Variants in ZNF804B observed in about 807,000 individuals in gnomAD.
The protein encoded by ZNF804B is zinc finger 804B.
Under a neutral mutation model 101.4 loss-of-function variants are expected in ZNF804B, and 80 were observed. That is an observed-to-expected ratio of 0.79 (90% CI 0.66 to 0.95). ZNF804B has a LOEUF of 0.95. ZNF804B is among the 40% of genes least tolerant of loss of function. ZNF804B has a pLI of 0.00. For synonymous variants in ZNF804B, 622 were observed against 558.8 expected (o/e 1.11, Z -1.59); for missense variants, 1,673 against 1,561.9 (o/e 1.07, Z -1.20).
At chr7:89,142,281 G>A (rs1422771208) in intron 1 of ZNF804B, among the ~76,000 whole-genome samples, 2 of 150,324 alleles carry the variant, frequency 1.3e-5, no homozygotes, top group African/African-American at 5.0e-5. Context: ...TTTGTTTTTT[G>A]TTGTTTTTTG....
At chr7:89,311,324 A>C (rs1790646649) in intron 2 of ZNF804B, among the ~76,000 whole-genome samples, 1 of 152,226 alleles carries the variant, frequency 6.6e-6, no homozygotes, top group African/African-American at 2.4e-5. Flanking sequence ...CGTAACATTC[A>C]AACACTCTCC....
chr7:88,789,041 T>C (rs1223118269), intron 1 of ZNF804B, among the ~76,000 whole-genome samples: 1 of 152,154 alleles, frequency 6.6e-6, no homozygotes, highest in Non-Finnish European at 1.5e-5. Flanking sequence ...TCTGCCTATA[T>C]AGAAACATAC....
chr7:89,192,950 C>T (rs56919660), intron 1 of ZNF804B, among the ~76,000 whole-genome samples: 1,763 of 152,140 alleles, frequency 0.012, 31 homozygotes, highest in African/African-American at 0.04. Flanking sequence ...AATTCAACAT[C>T]CTTTCATGTT....
At chr7:88,877,025 TA>T (rs1167469622) in intron 1 of ZNF804B, among the ~76,000 whole-genome samples, 2,993 of 58,550 alleles carry the variant, frequency 0.051, 128 homozygotes, top group African/African-American at 0.096. Flanking sequence ...TATATATATA[TA>T]ATATATATAT....
At chr7:88,877,060 T>TGAAAAAAAAAATATATATATATATAATA (rs1791964185) in intron 1 of ZNF804B, among the ~76,000 whole-genome samples, 1 of 68,270 alleles carries the variant, frequency 1.5e-5, no homozygotes, top group Non-Finnish European at 2.7e-5. Context: ...TTTTTTTTTT[T>TGAAAAAAAAAATATATATATATATAATA]TTTTTTTTTT....
intron 1 of ZNF804B, chr7:88,795,189 T>A (rs1013343165): frequency 4.2e-5 from 14 of 335,372 alleles, no homozygotes; most frequent in East Asian, 3.3e-4. Context: ...TAGACTTTTT[T>A]AAAAGTTTAC....
At position 88,760,335 on chromosome 7, in the gene ZNF804B, ATACT is replaced by A. The variant is rs141582135; in HGVS notation, c.108+256_108+259del. On this transcript the variant is annotated intron_variant, in intron 1 of 3. Coordinates refer to ENST00000333190, the MANE Select transcript of ZNF804B (RefSeq NM_181646.5). The stretch of plus-strand genomic sequence containing the variant: ...AGGATCTATAGTGCTACGGATGTAA[ATACT>A]TACTGAATGCAGTCAACTGCAGGGC... Among the ~76,000 whole-genome samples, 193 of 152,340 alleles carry A rather than the reference ATACT, an allele frequency of 1.3e-3. 3 individuals are homozygous for A. The highest frequency in any genetic ancestry group is 5.4e-4 in the Non-Finnish European group (37 of 68,038).
At chr7:88,852,207 A>G (rs1196597035) in intron 1 of ZNF804B, among the ~76,000 whole-genome samples, 1 of 152,104 alleles carries the variant, frequency 6.6e-6, no homozygotes, top group Non-Finnish European at 1.5e-5. Flanking sequence ...ATCCATCATG[A>G]TGTATTATCA....
intron 1 of ZNF804B, among the ~76,000 whole-genome samples, chr7:88,864,219 C>G (rs1192153963): frequency 6.6e-6 from 1 of 152,168 alleles, no homozygotes; most frequent in African/African-American, 2.4e-5. Flanking sequence ...ATTTCTGATT[C>G]AGTTACATGT....
chr7:89,024,661 GAAAAAAA>G (rs67321242), intron 1 of ZNF804B, among the ~76,000 whole-genome samples: 1 of 70,122 alleles, frequency 1.4e-5, no homozygotes, highest in Non-Finnish European at 2.5e-5. Flanking sequence ...TATCATTCTT[GAAAAAAA>G]AAAAAAAAAA....
chr7:89,023,300 A>G (rs1164108609), intron 1 of ZNF804B, among the ~76,000 whole-genome samples: 1 of 151,858 alleles, frequency 6.6e-6, no homozygotes, highest in Non-Finnish European at 1.5e-5. Flanking sequence ...CCACTGAAGA[A>G]ACTAAAGACA....
At chr7:89,031,408 A>G (rs754778125) in intron 1 of ZNF804B, among the ~76,000 whole-genome samples, 1 of 152,018 alleles carries the variant, frequency 6.6e-6, no homozygotes, top group Non-Finnish European at 1.5e-5. Flanking sequence ...GCCTTCTTCA[A>G]TAAACCCTGA....
intron 1 of ZNF804B, among the ~76,000 whole-genome samples, chr7:88,823,868 C>T (rs1277183776): frequency 6.6e-6 from 1 of 152,064 alleles, no homozygotes; most frequent in Non-Finnish European, 1.5e-5. Context: ...AAGCATAAGA[C>T]CTGAAGAGGC....
At chr7:88,924,421 A>G (rs1011393432) in intron 1 of ZNF804B, among the ~76,000 whole-genome samples, 2 of 152,024 alleles carry the variant, frequency 1.3e-5, no homozygotes, top group Admixed American at 1.3e-4. Context: ...TTTTCTTATC[A>G]ATGTATAGAT....
At chr7:88,765,981 C>A (rs189696935) in intron 1 of ZNF804B, among the ~76,000 whole-genome samples, 29 of 152,224 alleles carry the variant, frequency 1.9e-4, no homozygotes, top group Admixed American at 1.7e-3. Context: ...ACACTCTAAA[C>A]TTAATTGAAG....
chr7:89,033,000 A>G (rs1788862247), intron 1 of ZNF804B, among the ~76,000 whole-genome samples: 1 of 151,692 alleles, frequency 6.6e-6, no homozygotes, highest in South Asian at 2.1e-4. Flanking sequence ...ACAATAAATT[A>G]TTTATGACTA....
At chr7:89,321,481 A>T (rs1353835858) in intron 2 of ZNF804B, among the ~76,000 whole-genome samples, 4 of 152,038 alleles carry the variant, frequency 2.6e-5, no homozygotes, top group African/African-American at 9.7e-5. Flanking sequence ...CCCATCTCAA[A>T]AAATAATAAT....
At chr7:89,280,407 T>C (rs1790072118) in intron 2 of ZNF804B, among the ~76,000 whole-genome samples, 2 of 151,484 alleles carry the variant, frequency 1.3e-5, no homozygotes, top group South Asian at 4.2e-4. Context: ...ATAACTAAAA[T>C]CAGAGCAGAA....
chr7:89,158,154 A>C (rs1350760422), intron 1 of ZNF804B, among the ~76,000 whole-genome samples: 1 of 152,186 alleles, frequency 6.6e-6, no homozygotes, highest in Non-Finnish European at 1.5e-5. Flanking sequence ...TCTGGTTTGA[A>C]TCACTTTCTT....
Sources: gnomAD v4.1 joint callset for allele counts (sites outside exome capture counted in the v4.1 genomes callset) on GRCh38, gnomAD v4.1.1 for gene constraint, MANE v1.5 for transcripts, NCBI Gene and HGNC (gene_info 2026-07-23, HGNC 2026-07-21) for gene names.